KSR1: variants seen among roughly 807,000 people sequenced by gnomAD.
The protein encoded by KSR1 is kinase suppressor of ras.
Under a neutral mutation model 92.9 loss-of-function variants are expected in KSR1, and 35 were observed. The ratio of observed to expected loss-of-function variants is 0.38; its 90% CI spans 0.29 to 0.50. The LOEUF is 0.50. KSR1 is among the 20% of genes least tolerant of loss of function. The pLI, the probability that KSR1 is intolerant of heterozygous loss-of-function variation, is 0.94. For synonymous variants in KSR1, 467 were observed against 472.6 expected, an observed-to-expected ratio of 0.99 and a Z score of 0.15; for missense variants, 972 against 1,158.5, an observed-to-expected ratio of 0.84 and a Z score of 2.34.
chr17:27,600,784 C>T (rs1022583499), intron 10 of KSR1, among the ~76,000 whole-genome samples: 4 of 152,112 alleles, frequency 2.6e-5, no homozygotes, highest in African/African-American at 9.7e-5. Flanking sequence ...ATTTACACCC[C>T]CATTTGACAG....
chr17:27,494,872 G>A (rs1177156970), intron 1 of KSR1, among the ~76,000 whole-genome samples: 1 of 152,216 alleles, frequency 6.6e-6, no homozygotes, highest in African/African-American at 2.4e-5. Context: ...GTGGCCTGCT[G>A]GGTGGCTCCC....
chr17:27,573,875 G>C (rs1274771934), intron 2 of KSR1, among the ~76,000 whole-genome samples: 1 of 152,170 alleles, frequency 6.6e-6, no homozygotes, highest in East Asian at 1.9e-4. Flanking sequence ...ATATTGTTCT[G>C]GCAAATAGTT....
chr17:27,471,733 G>A (rs1214864865), intron 1 of KSR1, among the ~76,000 whole-genome samples: 1 of 152,174 alleles, frequency 6.6e-6, no homozygotes, highest in Non-Finnish European at 1.5e-5. Flanking sequence ...GCACTGTTCT[G>A]GAATATAAGA....
chr17:27,578,740 C>G (rs968463541), intron 3 of KSR1: 3 of 152,250 alleles, frequency 2.0e-5, no homozygotes, highest in African/African-American at 7.2e-5. Context: ...GAAGAGTCAG[C>G]TTTTAAGTGG....
chr17:27,586,903 C>T (rs986177731), intron 5 of KSR1, among the ~76,000 whole-genome samples: 3 of 152,310 alleles, frequency 2.0e-5, no homozygotes, highest in South Asian at 4.1e-4. Context: ...GACGAAATCT[C>T]GCTCTATCAC....
At position 27,577,734 on chromosome 17, in the gene KSR1, C is replaced by A; in HGVS notation, c.520+95C>A. The A allele has an allele frequency of 9.2e-7, 1 of 1,092,632 alleles. No homozygotes were observed. Among genetic ancestry groups the A allele is most frequent in the Non-Finnish European group, 1.3e-6 (1 of 741,860 alleles). The allele number at this position is 1,092,632 out of a possible 1,614,324, so 67.7% of individuals were successfully genotyped here. A position where few individuals can be genotyped will look rare whatever the true frequency, so the allele number is the denominator to read the frequency against. ...GGGTGATGGAGCGGGGCAAGCGTGG[C>A]CCAGGGTTTCTGGGGCAGCCTGGAA... On this transcript the variant is annotated intron_variant, in intron 3 of 20. Coordinates refer to ENST00000644974, the MANE Select transcript of KSR1 (RefSeq NM_001394583.1). The surrounding 1 kb of genome is among the most constrained non-coding windows in gnomAD (Gnocchi z 4.5).
chr17:27,620,687 T>G (rs1482542104), intron 19 of KSR1, among the ~76,000 whole-genome samples: 2 of 151,770 alleles, frequency 1.3e-5, no homozygotes, highest in Non-Finnish European at 2.9e-5. Context: ...TCAAGGAGGG[T>G]GATGTGAGGC....
chr17:27,507,350 T>C (rs1169392383), intron 1 of KSR1, among the ~76,000 whole-genome samples: 1 of 151,942 alleles, frequency 6.6e-6, no homozygotes, highest in Non-Finnish European at 1.5e-5. Context: ...GAAGAATTGC[T>C]TGAACCCGGG....
chr17:27,522,637 T>C (rs2070089162), intron 1 of KSR1, among the ~76,000 whole-genome samples: 1 of 152,148 alleles, frequency 6.6e-6, no homozygotes. Context: ...CTTTTCTGGT[T>C]GGTATTGGAG....
chr17:27,479,939 A>C (rs187514252), intron 1 of KSR1, among the ~76,000 whole-genome samples: 67 of 152,248 alleles, frequency 4.4e-4, no homozygotes, highest in Non-Finnish European at 8.4e-4. Context: ...GTGTGAATGT[A>C]TGTAGGTGTC....
At chr17:27,474,013 C>T (rs966785707) in intron 1 of KSR1, among the ~76,000 whole-genome samples, 2 of 152,228 alleles carry the variant, frequency 1.3e-5, no homozygotes, top group East Asian at 1.9e-4. Flanking sequence ...GTACAGCCAG[C>T]CATGTGGGCT....
intron 1 of KSR1, among the ~76,000 whole-genome samples, chr17:27,503,370 G>A (rs1477057486): frequency 1.7e-4 from 26 of 152,164 alleles, no homozygotes; most frequent in Non-Finnish European, 7.3e-5. Flanking sequence ...CTGCAACAAA[G>A]AATTATCTGT....
chr17:27,611,675 G>A lies in KSR1; in HGVS notation c.2493+46G>A, dbSNP rs116125899. Reference sequence around the variant, plus strand: ...GTGGAGCAGTAGGGCTGGAGGTGGGGTGGGGCATGTGGCATGGCTGCCCTT... The same window carrying A: ...GTGGAGCAGTAGGGCTGGAGGTGGGATGGGGCATGTGGCATGGCTGCCCTT... On this transcript the variant is annotated intron_variant, in intron 18 of 20. Coordinates refer to ENST00000644974, the MANE Select transcript of KSR1 (RefSeq NM_001394583.1). 1,425 of 1,609,892 alleles carry A rather than the reference G, an allele frequency of 8.9e-4. 7 individuals carry two copies. In the African/African-American group the frequency reaches 0.015, roughly 17 times the overall value.
intron 11 of KSR1, among the ~76,000 whole-genome samples, chr17:27,603,407 C>CTAAT (rs2073636538): frequency 6.6e-6 from 1 of 152,374 alleles, no homozygotes; most frequent in Admixed American, 6.5e-5. Context: ...GAGGGAATCT[C>CTAAT]ATTAGTTTCA....
intron 1 of KSR1, among the ~76,000 whole-genome samples, chr17:27,529,373 A>G (rs1295783223): frequency 1.3e-5 from 2 of 152,208 alleles, no homozygotes; most frequent in Non-Finnish European, 2.9e-5. Flanking sequence ...TTTAAGTTAC[A>G]CTTCCGTGAA....
rs139269489 is a variant in KSR1 at position 27,518,363 on chromosome 17, G to A, written c.232-32205G>A. Among the ~76,000 whole-genome samples the A allele has an allele frequency of 1.7e-3, 259 of 152,286 alleles. 1 individual carries two copies. Among genetic ancestry groups the A allele is most frequent in the Middle Eastern group, 6.8e-3 (2 of 294 alleles). On this transcript the variant is annotated intron_variant, in intron 1 of 20. Transcript: ENST00000644974. Reference sequence around the variant, plus strand: ...AGTAGCTGCACTTGTGAAATTTGGCGAACCTTAATATTCTTAAAGAAAAAG... The same window carrying A: ...AGTAGCTGCACTTGTGAAATTTGGCAAACCTTAATATTCTTAAAGAAAAAG...
intron 1 of KSR1, among the ~76,000 whole-genome samples, chr17:27,537,335 G>A (rs1470506489): frequency 6.6e-6 from 1 of 152,120 alleles, no homozygotes; most frequent in Non-Finnish European, 1.5e-5. Context: ...AGTATGCTAG[G>A]GTCCTTTTTC....
chr17:27,604,953 G>A (rs948342369), intron 13 of KSR1, among the ~76,000 whole-genome samples: 1 of 152,198 alleles, frequency 6.6e-6, no homozygotes, highest in Non-Finnish European at 1.5e-5. Context: ...TTGTAGCCAG[G>A]GTCAAGAACC....
intron 4 of KSR1, chr17:27,583,979 A>G (rs556870057): frequency 2.0e-6 from 2 of 984,506 alleles, no homozygotes; most frequent in South Asian, 9.4e-5. Flanking sequence ...ATTAAACCCC[A>G]TTTGTTTGAC....
Sources: gnomAD v4.1 joint callset for allele counts (sites outside exome capture counted in the v4.1 genomes callset) on GRCh38, gnomAD v4.1.1 for gene constraint, Gnocchi (gnomAD v3.1) non-coding constraint, MANE v1.5 for transcripts, NCBI Gene and HGNC (gene_info 2026-07-23, HGNC 2026-07-21) for gene names.